The following DZANK1 variants were observed in gnomAD, a reference collection of about 807,000 sequenced individuals.
The protein encoded by DZANK1 is double zinc ribbon and ankyrin repeat-containing protein 1.
In DZANK1, 91 loss-of-function variants were observed where a neutral mutation model predicts 94.5. The observed-to-expected ratio is 0.96, with a 90% CI of 0.81 to 1.15. DZANK1 has a LOEUF of 1.15. DZANK1 is among the 50% of genes most tolerant of loss of function. The pLI is 0.00. For missense variants in DZANK1, 903 were observed against 916.4 expected (o/e 0.99, Z 0.19); for synonymous variants, 312 against 325.3 (o/e 0.96, Z 0.44).
At chr20:18,440,880 A>C (rs905617969) in intron 8 of DZANK1, among the ~76,000 whole-genome samples, 6 of 152,218 alleles carry the variant, frequency 3.9e-5, no homozygotes, top group South Asian at 2.1e-4. Context: ...CCTAACTTTC[A>C]AATAAGAAAT....
rs578058743 is a variant in DZANK1, at chr20:18,433,711, C to T, written c.802G>A (p.Val268Met). 58 of 1,614,068 alleles carry T rather than the reference C, an allele frequency of 3.6e-5. No individual in the cohort carries two copies. Among genetic ancestry groups the T allele is most frequent in the Middle Eastern group, 1.6e-4 (1 of 6,062 alleles). The change falls in exon 9 of 21, where the codon GTG becomes ATG. Residue 268 changes from valine to methionine, a missense_variant. By Grantham distance (21) the Val-to-Met change is conservative (BLOSUM62 1). Transcript: ENST00000262547. ...AGAGCAAGAGGGGCCTCACACACCACACAGATGGGAGTGTTCATGGGTACC... is the reference window on the plus strand; with the variant it reads ...AGAGCAAGAGGGGCCTCACACACCATACAGATGGGAGTGTTCATGGGTACC...
intron 3 of DZANK1, among the ~76,000 whole-genome samples, chr20:18,459,856 C>A (rs2059414991): frequency 6.6e-6 from 1 of 152,056 alleles, no homozygotes; most frequent in Admixed American, 6.6e-5. Flanking sequence ...TCTTTAGAGA[C>A]CCCCGGCCCT....
chr20:18,400,246 G>C (rs777898069), intron 13 of DZANK1, among the ~76,000 whole-genome samples: 19 of 152,312 alleles, frequency 1.2e-4, no homozygotes, highest in Middle Eastern at 3.4e-3. Flanking sequence ...GGCGTATAAA[G>C]AGCAGGACAA....
At chr20:18,418,923 T>C (rs1432999849) in intron 10 of DZANK1, among the ~76,000 whole-genome samples, 1 of 152,104 alleles carries the variant, frequency 6.6e-6, no homozygotes, top group African/African-American at 2.4e-5. Flanking sequence ...AACTGGAGGA[T>C]AGATCAACAG....
intron 8 of DZANK1, among the ~76,000 whole-genome samples, chr20:18,434,449 G>A (rs1214838444): frequency 6.7e-6 from 1 of 150,226 alleles, no homozygotes; most frequent in African/African-American, 2.4e-5. Context: ...GGAGGCTGAG[G>A]CAAGAGAATC....
intron 13 of DZANK1, among the ~76,000 whole-genome samples, chr20:18,403,234 G>C (rs1056532999): frequency 6.6e-6 from 1 of 152,220 alleles, no homozygotes; most frequent in Non-Finnish European, 1.5e-5. Context: ...GGGACACTGA[G>C]AATACTGGGG....
chr20:18,396,522 C>T (rs1170219713), exon 15 of DZANK1: 3 of 1,613,576 alleles, frequency 1.9e-6, no homozygotes, highest in Non-Finnish European at 2.5e-6. Context: ...TCACAACCAT[C>T]TTCGTGGACA....
chr20:18,454,622 T>A (rs2059219122), intron 4 of DZANK1: 1 of 154,756 alleles, frequency 6.5e-6, no homozygotes, highest in Non-Finnish European at 1.4e-5. Context: ...GCTTTGCAGA[T>A]ATTTGGGAAT....
Position 18,465,379 on chromosome 20 carries a change from T to C in DZANK1, c.-19-2A>G, listed in dbSNP as rs1368364602. On this transcript the variant is annotated splice_acceptor_variant, in intron 1 of 20. Coordinates refer to ENST00000262547, the Ensembl canonical transcript of DZANK1. LOFTEE classifies it low-confidence loss of function (5UTR_SPLICE). ...GTCATTTTCTCTCTCTCTCTCTCTC[T>C]CTATATATATATACATATAAATTCC... 1.5e-6 allele frequency: 2 copies of C among 1,335,366 alleles called. No individual in the cohort carries two copies. Among genetic ancestry groups the C allele is most frequent in the South Asian group, 1.4e-5 (1 of 71,782 alleles). The allele number at this position is 1,335,366 out of a possible 1,614,324, so 82.7% of individuals were successfully genotyped here.
In DZANK1 at chr20:18,385,254, G is replaced by C. The variant is rs193148898; in HGVS notation, c.2019-164C>G. 5.9e-5 allele frequency among the ~76,000 whole-genome samples: 9 copies of C among 151,716 alleles called. No homozygotes were observed. The highest frequency in any genetic ancestry group is 4.6e-4 in the Admixed American group (7 of 15,174). On this transcript the variant is annotated intron_variant, in intron 19 of 20. Coordinates refer to ENST00000262547, the Ensembl canonical transcript of DZANK1. ...TCTGCCTTTCTCTTGGAGGAATACT[G>C]TGATGGAGGGTAAGCTTTGATACTA...
intron 13 of DZANK1, 30 bp downstream of exon 13, chr20:18,412,616 G>C (rs200054348): frequency 6.2e-7 from 1 of 1,600,060 alleles, no homozygotes; most frequent in East Asian, 2.2e-5. Flanking sequence ...ATTCCCTCCC[G>C]ACCAGAAGAA....
At chr20:18,414,730 A>G (rs2057408149) in intron 11 of DZANK1, among the ~76,000 whole-genome samples, 1 of 152,220 alleles carries the variant, frequency 6.6e-6, no homozygotes, top group Non-Finnish European at 1.5e-5. Flanking sequence ...AACAACACAC[A>G]TGTCCAGCAA....
chr20:18,433,425 C>A, intron 9 of DZANK1: 2 of 472,894 alleles, frequency 4.2e-6, no homozygotes, highest in Non-Finnish European at 7.6e-6. Context: ...GCCTGTAGTT[C>A]CAGCTACTCA....
At chr20:18,403,387 T>C (rs1383507019) in intron 13 of DZANK1, among the ~76,000 whole-genome samples, 2 of 152,144 alleles carry the variant, frequency 1.3e-5, no homozygotes, top group African/African-American at 4.8e-5. Flanking sequence ...AAACATGCCA[T>C]TGTCTCCATC....
intron 13 of DZANK1, among the ~76,000 whole-genome samples, chr20:18,410,459 C>A (rs1272727239): frequency 1.3e-5 from 2 of 152,006 alleles, no homozygotes; most frequent in Non-Finnish European, 2.9e-5. Flanking sequence ...CAAAATGTTA[C>A]ACTGGAAAAT....
chr20:18,449,560 C>T (rs1275145189), intron 6 of DZANK1, among the ~76,000 whole-genome samples: 1 of 151,766 alleles, frequency 6.6e-6, no homozygotes, highest in African/African-American at 2.4e-5. Context: ...AGTATCCCAG[C>T]CTGGCCAACA....
chr20:18,390,290 G>A, intron 18 of DZANK1, 89 bp downstream of exon 18: 1 of 1,236,400 alleles, frequency 8.1e-7, no homozygotes. Context: ...AATTTTCACA[G>A]TATTGAACAA....
intron 9 of DZANK1, 76 bp downstream of exon 9, chr20:18,433,576 G>A (rs2058376385): frequency 7.3e-7 from 1 of 1,369,446 alleles, no homozygotes; most frequent in Non-Finnish European, 1.0e-6. Context: ...CATCCCACTA[G>A]CTGAAAAAGG....
At position 18,460,089 on chromosome 20, in the gene DZANK1, A is replaced by G. The variant is rs878991676; in HGVS notation, c.263+64T>C. On this transcript the variant is annotated intron_variant, in intron 3 of 20. Coordinates refer to ENST00000262547, the Ensembl canonical transcript of DZANK1. ...GCACTGATTCTGATAGGAAAAAATGAATAAAATTAGAACATAATGTTATTA... is the reference window on the plus strand; with the variant it reads ...GCACTGATTCTGATAGGAAAAAATGGATAAAATTAGAACATAATGTTATTA... 111 of 1,202,166 alleles carry G rather than the reference A, an allele frequency of 9.2e-5. No individual in the cohort carries two copies. In the South Asian group the frequency reaches 2.8e-3, roughly 30 times the overall value. 74.5% of individuals were successfully genotyped at this position (1,202,166 alleles called of 1,614,324 possible).
Sources: gnomAD v4.1 joint callset for allele counts (sites outside exome capture counted in the v4.1 genomes callset) on GRCh38, gnomAD v4.1.1 for gene constraint, MANE v1.5 for transcripts, NCBI Gene and HGNC (gene_info 2026-07-23, HGNC 2026-07-21) for gene names.